Variants in DNAAF9 observed in about 807,000 individuals in gnomAD.
The protein encoded by DNAAF9 is dynein axonemal assembly factor 9.
Under a neutral mutation model 167.0 loss-of-function variants are expected in DNAAF9, and 90 were observed. The ratio of observed to expected loss-of-function variants is 0.54; its 90% confidence interval spans 0.45 to 0.64. The LOEUF is 0.64. DNAAF9 is among the 30% of genes least tolerant of loss of function. The pLI is 0.00. For synonymous variants in DNAAF9, 491 were observed against 508.8 expected (o/e 0.96, Z 0.47); for missense variants, 1,315 against 1,442.2 (o/e 0.91, Z 1.43).
chr20:3,367,119 C>T (rs190469178), intron 6 of DNAAF9, among the ~76,000 whole-genome samples: 4 of 152,294 alleles, frequency 2.6e-5, no homozygotes, highest in Non-Finnish European at 5.9e-5. Context: ...CTTCATCTTG[C>T]ACTTTTATGT....
At chr20:3,299,177 G>C (rs1166868930) in intron 21 of DNAAF9, among the ~76,000 whole-genome samples, 1 of 151,988 alleles carries the variant, frequency 6.6e-6, no homozygotes, top group Non-Finnish European at 1.5e-5. Flanking sequence ...AAAGTGCTGG[G>C]ATTGCATATT....
intron 11 of DNAAF9, 39 bp from the exon 12 acceptor site, chr20:3,330,721 G>A (rs758391572): frequency 7.3e-7 from 1 of 1,367,408 alleles, no homozygotes; most frequent in African/African-American, 1.5e-5. Context: ...CAAGAGCACA[G>A]GATATGCAAA....
At chr20:3,368,182 TCTAA>T (rs1213242517) in intron 6 of DNAAF9, among the ~76,000 whole-genome samples, 3 of 152,158 alleles carry the variant, frequency 2.0e-5, no homozygotes, top group African/African-American at 2.4e-5. Context: ...TCTTTAGTAC[TCTAA>T]CTGCTTTGGT....
chr20:3,373,066 T>C (rs140588366), intron 6 of DNAAF9, among the ~76,000 whole-genome samples: 1 of 152,332 alleles, frequency 6.6e-6, no homozygotes, highest in Non-Finnish European at 1.5e-5. Flanking sequence ...CTGCTACTTG[T>C]AGTCAATGTG....
At chr20:3,316,845 C>T (rs745365130) in intron 17 of DNAAF9, 52 bp from the exon 18 acceptor site, 4 of 1,307,050 alleles carry the variant, frequency 3.1e-6, no homozygotes, top group Non-Finnish European at 4.4e-6. Flanking sequence ...CTCAGCCTGC[C>T]TTGCAGGCCC....
intron 7 of DNAAF9, among the ~76,000 whole-genome samples, chr20:3,349,175 TGAGACCTC>T (rs2070257254): frequency 1.7e-5 from 2 of 117,942 alleles, no homozygotes; most frequent in South Asian, 5.3e-4. Flanking sequence ...GGCAACATGA[TGAGACCTC>T]GTCTCTACCA....
chr20:3,349,533 TTTAG>T (rs1330813418), intron 7 of DNAAF9, among the ~76,000 whole-genome samples: 8 of 152,140 alleles, frequency 5.3e-5, no homozygotes, highest in Admixed American at 1.3e-4. Context: ...ACTGGTTGAC[TTTAG>T]TTAAAGGGAA....
At chr20:3,305,672 A>C (rs1198459725) in intron 20 of DNAAF9, among the ~76,000 whole-genome samples, 2 of 152,154 alleles carry the variant, frequency 1.3e-5, no homozygotes, top group Admixed American at 1.3e-4. Flanking sequence ...TTCAGAAGGA[A>C]GGGAGGGGCC....
chr20:3,281,874 AG>A (rs2068770587), intron 27 of DNAAF9, 108 bp from the exon 28 acceptor site: 2 of 1,117,924 alleles, frequency 1.8e-6, no homozygotes, highest in Non-Finnish European at 2.6e-6. Context: ...GAAAACCAAA[AG>A]GAAGAGCCCG....
intron 30 of DNAAF9, 131 bp from the exon 31 acceptor site, chr20:3,264,655 C>T (rs779861781): frequency 4.9e-5 from 32 of 646,470 alleles, no homozygotes; most frequent in Middle Eastern, 4.0e-4. Flanking sequence ...TTGCAACCTC[C>T]GCTTCCCGGG....
chr20:3,259,584 C>T, intron 32 of DNAAF9, 30 bp from the exon 33 acceptor site: 1 of 1,523,248 alleles, frequency 6.6e-7, no homozygotes, highest in Non-Finnish European at 9.1e-7. Flanking sequence ...GCGCTGTCAC[C>T]CACATGGAGG....
At chr20:3,383,542 C>A (rs571147260) in intron 1 of DNAAF9, among the ~76,000 whole-genome samples, 1 of 151,828 alleles carries the variant, frequency 6.6e-6, no homozygotes, top group Non-Finnish European at 1.5e-5. Flanking sequence ...TGTGAGCCAC[C>A]GCGCCCAGCT....
chr20:3,328,982 G>T (rs1049551012), intron 12 of DNAAF9, among the ~76,000 whole-genome samples: 1 of 150,520 alleles, frequency 6.6e-6, no homozygotes, highest in East Asian at 2.0e-4. Context: ...CACTTCTCCT[G>T]CTTCAGCCTC....
intron 18 of DNAAF9, 100 bp downstream of exon 18, chr20:3,316,623 C>G: frequency 1.3e-6 from 1 of 772,478 alleles, no homozygotes; most frequent in Admixed American, 2.0e-5. Flanking sequence ...AGTTCAGGAC[C>G]TGACATCCCA....
chr20:3,323,075 G>A (rs144039066), intron 14 of DNAAF9, among the ~76,000 whole-genome samples: 154 of 151,696 alleles, frequency 1.0e-3, no homozygotes, highest in South Asian at 2.7e-3. Flanking sequence ...GGAGCCATGG[G>A]TGAGGCCTTC....
intron 1 of DNAAF9, among the ~76,000 whole-genome samples, chr20:3,395,859 A>G (rs1192848036): frequency 1.3e-5 from 2 of 152,152 alleles, no homozygotes; most frequent in African/African-American, 4.8e-5. Flanking sequence ...GGAATCTGAT[A>G]CGGTTTGCCT....
chr20:3,322,541 G>A, intron 15 of DNAAF9, 111 bp downstream of exon 15: 1 of 886,628 alleles, frequency 1.1e-6, no homozygotes, highest in South Asian at 1.3e-5. Flanking sequence ...CTGGAGTGAT[G>A]TCACTGCTAG....
At chr20:3,259,339 G>A (rs1052638801) in intron 33 of DNAAF9, 141 bp downstream of exon 33, 19 of 691,020 alleles carry the variant, frequency 2.7e-5, no homozygotes, top group Middle Eastern at 3.1e-4. Flanking sequence ...GCCTGATGGC[G>A]TGAAGGCCCA....
chr20:3,346,324 T>C (rs150589274), intron 8 of DNAAF9, among the ~76,000 whole-genome samples: 268 of 152,244 alleles, frequency 1.8e-3, no homozygotes, highest in African/African-American at 5.7e-3. Flanking sequence ...TATATATACC[T>C]CCAACAATAG....
Sources: gnomAD v4.1 joint callset for allele counts (sites outside exome capture counted in the v4.1 genomes callset) on GRCh38, gnomAD v4.1.1 for gene constraint, MANE v1.5 for transcripts, NCBI Gene and HGNC (gene_info 2026-07-23, HGNC 2026-07-21) for gene names.